PTPRN2: variants seen among roughly 807,000 people sequenced by gnomAD.
PTPRN2 encodes protein tyrosine phosphatase receptor type N2.
A neutral mutation model predicts 118.8 loss-of-function variants in PTPRN2; 74 were observed. The ratio of observed to expected loss-of-function variants is 0.62; its 90% confidence interval spans 0.52 to 0.76. The LOEUF (loss-of-function observed/expected upper bound fraction) is 0.76. Ranked by LOEUF, PTPRN2 falls within the 30% of genes least tolerant of loss-of-function variation. The pLI is 0.00. For synonymous variants in PTPRN2, 641 were observed against 608.0 expected (o/e 1.05, Z -0.80); for missense variants, 1,481 against 1,394.4 (o/e 1.06, Z -0.99).
At chr7:158,523,487 TGGAG>T (rs1824409843) in intron 1 of PTPRN2, among the ~76,000 whole-genome samples, 1 of 71,184 alleles carries the variant, frequency 1.4e-5, no homozygotes, top group Non-Finnish European at 2.7e-5. Flanking sequence ...TGCCCTGGAG[TGGAG>T]TCGTCTGCCC....
chr7:158,118,065 C>T (rs971148480), intron 9 of PTPRN2, among the ~76,000 whole-genome samples: 1 of 152,052 alleles, frequency 6.6e-6, no homozygotes, highest in Non-Finnish European at 1.5e-5. Flanking sequence ...CCTTTTAGTT[C>T]TCTATATGAT....
At position 157,767,220 on chromosome 7, in the gene PTPRN2, C is replaced by T. The variant is rs192340681; in HGVS notation, c.1789-84283G>A. Among the ~76,000 whole-genome samples the T allele has an allele frequency of 7.4e-4, 113 of 152,270 alleles. 2 individuals are homozygous for T. The highest frequency in any genetic ancestry group is 3.3e-3 in the South Asian group (16 of 4,816). On this transcript the variant is annotated intron_variant, in intron 12 of 22. Coordinates refer to ENST00000389418, the MANE Select transcript of PTPRN2 (RefSeq NM_002847.5). Reference sequence around the variant, plus strand: ...CAGGCTGTGCTGGGCACACAGCACTCCACGTCCATCATCCATCTGTGGCTT... The same window carrying T: ...CAGGCTGTGCTGGGCACACAGCACTTCACGTCCATCATCCATCTGTGGCTT...
intron 22 of PTPRN2, among the ~76,000 whole-genome samples, chr7:157,544,739 C>T (rs987918760): frequency 6.6e-6 from 1 of 152,228 alleles, no homozygotes; most frequent in African/African-American, 2.4e-5. Context: ...AAGAACCCAT[C>T]ATCTACCACA....
intron 21 of PTPRN2, 111 bp downstream of exon 21, chr7:157,568,791 A>G (rs1012954495): frequency 8.8e-7 from 1 of 1,134,474 alleles, no homozygotes; most frequent in African/African-American, 1.5e-5. Context: ...GCAGAGGCAC[A>G]ACAAGCAGCG....
intron 5 of PTPRN2, among the ~76,000 whole-genome samples, chr7:158,171,337 A>G (rs1228056136): frequency 5.7e-4 from 77 of 133,986 alleles, no homozygotes; most frequent in Admixed American, 1.2e-3. Context: ...ATATATATAT[A>G]TATATATATA....
chr7:158,042,782 C>T (rs1360789436), intron 11 of PTPRN2, among the ~76,000 whole-genome samples: 1 of 152,194 alleles, frequency 6.6e-6, no homozygotes, highest in East Asian at 1.9e-4. Flanking sequence ...CTGCTGCCCA[C>T]TGTGCCAGGG....
chr7:157,768,201 T>C (rs1014666985), intron 12 of PTPRN2, among the ~76,000 whole-genome samples: 4 of 152,216 alleles, frequency 2.6e-5, no homozygotes, highest in African/African-American at 9.7e-5. Context: ...TGGCTATGAA[T>C]TCCCCAGATT....
In PTPRN2 at chr7:157,765,256, TTCA is replaced by T. The variant is rs1802384904; in HGVS notation, c.1789-82322_1789-82320del. 2.3e-5 allele frequency among the ~76,000 whole-genome samples: 3 copies of T among 132,570 alleles called. No individual in the cohort carries two copies. In the South Asian group the frequency reaches 8.3e-4, roughly 37 times the overall value. 87.0% of individuals were successfully genotyped at this position (132,570 alleles called of 152,430 possible). On this transcript the variant is annotated intron_variant, in intron 12 of 22. Transcript: ENST00000389418. ...CTTTCATCCACCCACCCACCTGTCATTCATCATCCATTCTTCCTCCATTCATCC... is the reference window on the plus strand; with the variant it reads ...CTTTCATCCACCCACCCACCTGTCATTCATCCATTCTTCCTCCATTCATCC...
At chr7:158,095,799 A>G (rs764526587) in intron 10 of PTPRN2, among the ~76,000 whole-genome samples, 4 of 152,198 alleles carry the variant, frequency 2.6e-5, no homozygotes, top group Admixed American at 6.5e-5. Flanking sequence ...GCTGGTCTCA[A>G]AACTCCTGGT....
At chr7:157,995,853 T>C (rs910252779) in intron 11 of PTPRN2, among the ~76,000 whole-genome samples, 1 of 152,198 alleles carries the variant, frequency 6.6e-6, no homozygotes, top group Non-Finnish European at 1.5e-5. Context: ...ACTGGAACGA[T>C]AGCAAAACAT....
chr7:158,406,135 CA>C lies in PTPRN2; in HGVS notation c.163+83599del, dbSNP rs1813408395. Among the ~76,000 whole-genome samples, 2 of 107,816 alleles carry C rather than the reference CA, an allele frequency of 1.9e-5. 1 individual carries two copies. Among genetic ancestry groups the C allele is most frequent in the Non-Finnish European group, 4.0e-5 (2 of 49,826 alleles). 70.7% of individuals were successfully genotyped at this position (107,816 alleles called of 152,430 possible). A position where few individuals can be genotyped will look rare whatever the true frequency, so the allele number is the denominator to read the frequency against. On this transcript the variant is annotated intron_variant, in intron 2 of 22. Coordinates refer to ENST00000389418, the MANE Select transcript of PTPRN2 (RefSeq NM_002847.5). ...AGATCCCGGTGGCTCATCCGTGAGACACGTGGCCGCACACTGAGATCCCGCA... is the reference window on the plus strand; with the variant it reads ...AGATCCCGGTGGCTCATCCGTGAGACCGTGGCCGCACACTGAGATCCCGCA...
At chr7:158,332,995 C>A (rs1804806876) in intron 2 of PTPRN2, among the ~76,000 whole-genome samples, 1 of 137,412 alleles carries the variant, frequency 7.3e-6, no homozygotes, top group Non-Finnish European at 1.5e-5. Flanking sequence ...AGACGTCACT[C>A]ACACCCACAC....
At chr7:158,248,289 C>T (rs1289700227) in intron 3 of PTPRN2, among the ~76,000 whole-genome samples, 3 of 152,066 alleles carry the variant, frequency 2.0e-5, no homozygotes, top group South Asian at 2.1e-4. Flanking sequence ...TGTAAGAAGC[C>T]GCTGAGCTGC....
In PTPRN2 at chr7:157,763,695, G is replaced by A. The variant is rs1257035477; in HGVS notation, c.1789-80758C>T. Among the ~76,000 whole-genome samples, 3 of 151,990 alleles carry A rather than the reference G, an allele frequency of 2.0e-5. No individual in the cohort carries two copies. Among genetic ancestry groups the A allele is most frequent in the Non-Finnish European group, 2.9e-5 (2 of 68,024 alleles). On this transcript the variant is annotated intron_variant, in intron 12 of 22. Transcript: ENST00000389418. This position sits in a 1 kb window ranked among gnomAD's most constrained non-coding sequence, Gnocchi z 4.9. Reference sequence around the variant, plus strand: ...TCATTCGGAATTAATTCCTCCCTTGGATGCTGAGGGCTGGTGGCTGGTCCT... The same window carrying A: ...TCATTCGGAATTAATTCCTCCCTTGAATGCTGAGGGCTGGTGGCTGGTCCT...
At chr7:157,962,607 C>T (rs1476585471) in intron 11 of PTPRN2, among the ~76,000 whole-genome samples, 1 of 152,224 alleles carries the variant, frequency 6.6e-6, no homozygotes, top group Admixed American at 6.5e-5. Context: ...GGTACCTACA[C>T]ACCCGGGGTC....
Position 157,652,650 on chromosome 7 carries a change from A to G in PTPRN2, c.2196+3707T>C, listed in dbSNP as rs148084358. Among the ~76,000 whole-genome samples the G allele has an allele frequency of 4.2e-3, 635 of 151,962 alleles. 4 individuals are homozygous for G. The highest frequency in any genetic ancestry group is 0.014 in the African/African-American group (598 of 41,460). On this transcript the variant is annotated intron_variant, in intron 14 of 22. Transcript: ENST00000389418. ...TCCCTCTTGTTCCACCTGCTGGGAC[A>G]CCTTGACCAGGTAACTAAGTCCCTC...
chr7:157,772,081 A>T (rs1016926861), intron 12 of PTPRN2, among the ~76,000 whole-genome samples: 4 of 151,682 alleles, frequency 2.6e-5, no homozygotes, highest in African/African-American at 9.7e-5. Context: ...CACACAGAAC[A>T]CAGACACAAA....
chr7:158,492,786 G>A (rs1313988847), intron 1 of PTPRN2, among the ~76,000 whole-genome samples: 1 of 152,254 alleles, frequency 6.6e-6, no homozygotes, highest in Non-Finnish European at 1.5e-5. Flanking sequence ...ATCATCCAGA[G>A]AAAAGACATT....
intron 5 of PTPRN2, among the ~76,000 whole-genome samples, chr7:158,169,036 C>A (rs948509869): frequency 3.9e-5 from 6 of 152,164 alleles, no homozygotes; most frequent in Admixed American, 3.9e-4. Context: ...CTTGCACCTC[C>A]TTGGGGCACA....
Sources: allele counts gnomAD v4.1 joint callset (sites outside exome capture counted in the v4.1 genomes callset), GRCh38; gene constraint gnomAD v4.1.1; non-coding constraint Gnocchi (gnomAD v3.1); transcripts MANE v1.5; gene names NCBI Gene and HGNC (gene_info 2026-07-23, HGNC 2026-07-21).